Variants in AFF3 observed in about 807,000 individuals in gnomAD.
AFF3 encodes AF4/FMR2 family member 3.
Under a neutral mutation model 129.7 loss-of-function variants are expected in AFF3, and 32 were observed. The ratio of observed to expected loss-of-function variants is 0.25; its 90% CI spans 0.19 to 0.33. The LOEUF (loss-of-function observed/expected upper bound fraction) is 0.33. Among genes scored for constraint, AFF3 ranks in the 10% least tolerant of loss-of-function variants. AFF3 has a pLI of 1.00. For synonymous variants in AFF3, 644 were observed against 635.4 expected, an observed-to-expected ratio of 1.01 and a Z score of -0.20; for missense variants, 1,373 against 1,592.0, an observed-to-expected ratio of 0.86 and a Z score of 2.34.
chr2:99,989,900 G>A (rs753021196), intron 7 of AFF3, among the ~76,000 whole-genome samples: 15 of 152,250 alleles, frequency 9.9e-5, no homozygotes, highest in East Asian at 1.9e-4. Context: ...GCTTTCCCAC[G>A]TTATCTTTTT....
At chr2:99,884,123 T>C (rs1359838930) in intron 7 of AFF3, among the ~76,000 whole-genome samples, 1 of 152,242 alleles carries the variant, frequency 6.6e-6, no homozygotes. Flanking sequence ...GTAATTTGAT[T>C]ATAATTCCTT....
intron 11 of AFF3, among the ~76,000 whole-genome samples, chr2:99,691,967 G>C (rs1675710360): frequency 1.3e-5 from 2 of 152,214 alleles, no homozygotes; most frequent in African/African-American, 4.8e-5. Flanking sequence ...TTGTAATTTA[G>C]GATGGTCTAA....
At chr2:100,054,965 A>G (rs1686645163) in intron 4 of AFF3, among the ~76,000 whole-genome samples, 1 of 152,202 alleles carries the variant, frequency 6.6e-6, no homozygotes, top group Non-Finnish European at 1.5e-5. Flanking sequence ...ATTTGACCTG[A>G]GCAGATACAG....
At chr2:99,822,561 G>A (rs1363538435) in intron 8 of AFF3, among the ~76,000 whole-genome samples, 1 of 152,112 alleles carries the variant, frequency 6.6e-6, no homozygotes, top group African/African-American at 2.4e-5. Flanking sequence ...CACCCCTGGA[G>A]CTGGCACTCT....
intron 11 of AFF3, among the ~76,000 whole-genome samples, chr2:99,708,494 T>C (rs1677611733): frequency 6.6e-6 from 1 of 152,160 alleles, no homozygotes; most frequent in African/African-American, 2.4e-5. Flanking sequence ...CCAGGCAACA[T>C]GGGACCTTGG....
chr2:99,613,754 A>G (rs1449543823), intron 13 of AFF3, among the ~76,000 whole-genome samples: 1 of 152,170 alleles, frequency 6.6e-6, no homozygotes, highest in Admixed American at 6.5e-5. Flanking sequence ...CTCTTCCTTA[A>G]TAATAGCAGC....
chr2:99,796,557 A>T (rs574527938), intron 8 of AFF3, among the ~76,000 whole-genome samples: 159 of 152,316 alleles, frequency 1.0e-3, no homozygotes, highest in Non-Finnish European at 1.9e-3. Flanking sequence ...TAGCACAGGG[A>T]GGGGAAACCA....
intron 8 of AFF3, among the ~76,000 whole-genome samples, chr2:99,776,735 C>A (rs149516567): frequency 1.9e-3 from 290 of 152,296 alleles, no homozygotes; most frequent in African/African-American, 6.5e-3. Context: ...AAAAAAACTG[C>A]TAAAATCATC....
At chr2:99,947,601 A>AAGAAAGAAAGAT (rs765008346) in intron 7 of AFF3, among the ~76,000 whole-genome samples, 8 of 136,596 alleles carry the variant, frequency 5.9e-5, no homozygotes, top group South Asian at 2.4e-4. Context: ...GAAAGAAAGA[A>AAGAAAGAAAGAT]AGATAGATAG....
intron 8 of AFF3, among the ~76,000 whole-genome samples, chr2:99,795,039 T>C (rs1374818300): frequency 6.6e-6 from 1 of 152,192 alleles, no homozygotes; most frequent in Non-Finnish European, 1.5e-5. Context: ...TAATTTGCTG[T>C]CTATACTGGT....
chr2:100,092,172 A>G (rs1403649388), intron 4 of AFF3, among the ~76,000 whole-genome samples: 1 of 152,062 alleles, frequency 6.6e-6, no homozygotes, highest in Non-Finnish European at 1.5e-5. Context: ...TTTACACGCA[A>G]TACATTTAAA....
At chr2:99,847,150 C>T (rs1036806781) in intron 7 of AFF3, among the ~76,000 whole-genome samples, 3 of 151,968 alleles carry the variant, frequency 2.0e-5, no homozygotes, top group Non-Finnish European at 2.9e-5. Flanking sequence ...ACCTACAACA[C>T]CCTATTTTAA....
At chr2:99,866,551 AT>A (rs1478389124) in intron 7 of AFF3, among the ~76,000 whole-genome samples, 4 of 152,166 alleles carry the variant, frequency 2.6e-5, no homozygotes, top group African/African-American at 9.7e-5. Flanking sequence ...ACTGGAAGGG[AT>A]TCCAATCATT....
At chr2:99,717,294 GAAAC>G (rs990081421) in intron 11 of AFF3, among the ~76,000 whole-genome samples, 22 of 152,238 alleles carry the variant, frequency 1.4e-4, no homozygotes, top group Admixed American at 3.3e-4. Flanking sequence ...TCATTTATAA[GAAAC>G]AAACAGTTTT....
At chr2:100,034,116 G>C (rs1684725756) in intron 4 of AFF3, among the ~76,000 whole-genome samples, 1 of 152,162 alleles carries the variant, frequency 6.6e-6, no homozygotes, top group Non-Finnish European at 1.5e-5. Context: ...CTTAAAAACT[G>C]ACATATTAGC....
chr2:100,139,444 G>T (rs532363157), intron 1 of AFF3, among the ~76,000 whole-genome samples: 1 of 152,126 alleles, frequency 6.6e-6, no homozygotes, highest in African/African-American at 2.4e-5. Flanking sequence ...CTGTCAACAG[G>T]CTATAGGGGA....
chr2:99,868,421 A>C (rs994987537), intron 7 of AFF3, among the ~76,000 whole-genome samples: 2 of 152,204 alleles, frequency 1.3e-5, no homozygotes, highest in East Asian at 3.9e-4. Context: ...GAGGGGAGAC[A>C]GCAGGCCAGG....
At chr2:99,855,714 A>G (rs1327550527) in intron 7 of AFF3, among the ~76,000 whole-genome samples, 1 of 152,212 alleles carries the variant, frequency 6.6e-6, no homozygotes, top group Non-Finnish European at 1.5e-5. Context: ...GCCCTCAAGA[A>G]GGTGGAGCGT....
intron 7 of AFF3, among the ~76,000 whole-genome samples, chr2:99,907,484 G>A: frequency 6.6e-6 from 1 of 151,392 alleles, no homozygotes; most frequent in Non-Finnish European, 1.5e-5. Flanking sequence ...GCTTCACTGT[G>A]AATCATGCAC....
Sources: gnomAD v4.1 joint callset for allele counts (sites outside exome capture counted in the v4.1 genomes callset) on GRCh38, gnomAD v4.1.1 for gene constraint, MANE v1.5 for transcripts, NCBI Gene and HGNC (gene_info 2026-07-23, HGNC 2026-07-21) for gene names.